PTPRR: variants seen among roughly 807,000 people sequenced by gnomAD.
PTPRR encodes the protein protein tyrosine phosphatase receptor type R.
Under a neutral mutation model 77.2 loss-of-function variants are expected in PTPRR, and 38 were observed. That is an observed-to-expected ratio of 0.49 (90% CI 0.38 to 0.65). The LOEUF (loss-of-function observed/expected upper bound fraction) is 0.65. Ranked by LOEUF, PTPRR falls within the 30% of genes least tolerant of loss-of-function variation. The pLI, the probability that PTPRR is intolerant of heterozygous loss-of-function variation, is 0.00. For synonymous variants in PTPRR, 299 were observed against 283.1 expected (o/e 1.06, Z -0.57); for missense variants, 744 against 799.2 (o/e 0.93, Z 0.83).
intron 6 of PTPRR, among the ~76,000 whole-genome samples, chr12:70,712,651 C>T (rs1888868132): frequency 6.6e-6 from 1 of 151,750 alleles, no homozygotes; most frequent in African/African-American, 2.4e-5. Flanking sequence ...AAAATATACA[C>T]ATTTTAGAGT....
At chr12:70,737,469 A>G (rs1284993656) in intron 6 of PTPRR, among the ~76,000 whole-genome samples, 1 of 148,250 alleles carries the variant, frequency 6.7e-6, no homozygotes, top group Non-Finnish European at 1.5e-5. Context: ...ATTTTCGATT[A>G]TGGGTCTATT....
chr12:70,713,122 G>A (rs1196294639), intron 6 of PTPRR, among the ~76,000 whole-genome samples: 1 of 152,000 alleles, frequency 6.6e-6, no homozygotes, highest in Non-Finnish European at 1.5e-5. Context: ...TGGACATTTC[G>A]TATAAATGGA....
chr12:70,853,004 T>C (rs1449888226), intron 2 of PTPRR, among the ~76,000 whole-genome samples: 1 of 152,204 alleles, frequency 6.6e-6, no homozygotes, highest in Non-Finnish European at 1.5e-5. Flanking sequence ...CTTACAATAA[T>C]CATGACTACC....
intron 6 of PTPRR, among the ~76,000 whole-genome samples, chr12:70,702,174 G>T (rs991251534): frequency 6.6e-6 from 1 of 151,962 alleles, no homozygotes; most frequent in African/African-American, 2.4e-5. Context: ...CCCTTTTCCC[G>T]CTGGGGGGCA....
intron 2 of PTPRR, among the ~76,000 whole-genome samples, chr12:70,865,410 A>G (rs1410945055): frequency 2.0e-5 from 3 of 152,190 alleles, no homozygotes; most frequent in Non-Finnish European, 4.4e-5. Flanking sequence ...GGAAGAGGAA[A>G]GGATGGTCAC....
intron 8 of PTPRR, among the ~76,000 whole-genome samples, chr12:70,696,307 G>A (rs868411633): frequency 4.0e-5 from 6 of 151,684 alleles, no homozygotes; most frequent in Non-Finnish European, 7.4e-5. Flanking sequence ...TATGACTCTC[G>A]TTTCTAGTCT....
intron 2 of PTPRR, among the ~76,000 whole-genome samples, chr12:70,854,541 C>T (rs1361296047): frequency 6.6e-6 from 1 of 152,190 alleles, no homozygotes. Context: ...TACTCCAAGG[C>T]TCCTTAGCTC....
At position 70,656,977 on chromosome 12, in the gene PTPRR, T is replaced by C. The variant is rs182037450; in HGVS notation, c.1767-160A>G. On this transcript the variant is annotated intron_variant, in intron 12 of 13. Coordinates refer to ENST00000283228, the MANE Select transcript of PTPRR (RefSeq NM_002849.4). Reference sequence around the variant, plus strand: ...CCCTGTGCTAAGTGCTTAAAATATATTTTTACATTTAATTATAAGTAGTAG... The same window carrying C: ...CCCTGTGCTAAGTGCTTAAAATATACTTTTACATTTAATTATAAGTAGTAG... Among the ~76,000 whole-genome samples the C allele has an allele frequency of 6.8e-3, 1,025 of 151,536 alleles. 9 individuals carry two copies. The highest frequency in any genetic ancestry group is 0.011 in the Non-Finnish European group (766 of 67,938).
At chr12:70,754,600 G>C in intron 4 of PTPRR, 1 of 1,597,966 alleles carries the variant, frequency 6.3e-7, no homozygotes. Flanking sequence ...TCATAGGTAA[G>C]AGAGTTCTGT....
chr12:70,724,510 A>G (rs1889368309), intron 6 of PTPRR, among the ~76,000 whole-genome samples: 2 of 152,324 alleles, frequency 1.3e-5, no homozygotes, highest in East Asian at 3.9e-4. Context: ...TGGTATTATT[A>G]ATGTTTTTTA....
intron 2 of PTPRR, among the ~76,000 whole-genome samples, chr12:70,796,875 G>A (rs189744937): frequency 7.7e-4 from 117 of 152,102 alleles, no homozygotes; most frequent in African/African-American, 2.6e-3. Flanking sequence ...TAAATTAGCC[G>A]GGCATGGTGG....
At chr12:70,752,250 T>C (rs1890424687) in intron 5 of PTPRR, among the ~76,000 whole-genome samples, 2 of 152,192 alleles carry the variant, frequency 1.3e-5, no homozygotes, top group Non-Finnish European at 2.9e-5. Flanking sequence ...AATCTGTTGA[T>C]TGAATGAATA....
chr12:70,694,506 C>T (rs1418664876), intron 8 of PTPRR, among the ~76,000 whole-genome samples: 3 of 152,170 alleles, frequency 2.0e-5, no homozygotes, highest in Admixed American at 6.5e-5. Flanking sequence ...TTTGCAGCAA[C>T]ATGGATGCAG....
intron 2 of PTPRR, among the ~76,000 whole-genome samples, chr12:70,792,519 G>A (rs534076240): frequency 2.0e-5 from 3 of 152,132 alleles, no homozygotes; most frequent in African/African-American, 7.2e-5. Flanking sequence ...CATAAGTGAT[G>A]TAAATTTCAA....
Position 70,892,983 on chromosome 12 carries a change from A to G in PTPRR, c.59-6T>C, listed in dbSNP as rs1253954925. 6.2e-7 allele frequency: 1 copy of G among 1,611,098 alleles called. No homozygotes were observed. Among genetic ancestry groups the G allele is most frequent in the Non-Finnish European group, 8.5e-7 (1 of 1,178,354 alleles). On this transcript the variant is annotated splice_polypyrimidine_tract_variant and splice_region_variant and intron_variant, in intron 1 of 13. Coordinates refer to ENST00000283228, the MANE Select transcript of PTPRR (RefSeq NM_002849.4). ...ATTGTTTCCTGAAAAGCACCCTGAA[A>G]GAGGGAAGAAGCAGAAACAATATCA...
chr12:70,811,432 T>A (rs946783648), intron 2 of PTPRR, among the ~76,000 whole-genome samples: 5 of 152,096 alleles, frequency 3.3e-5, no homozygotes, highest in Admixed American at 3.3e-4. Flanking sequence ...GCTTTGGCGG[T>A]TTTCTGAGAA....
At chr12:70,652,522 G>C (rs933873140) in intron 13 of PTPRR, among the ~76,000 whole-genome samples, 1 of 152,200 alleles carries the variant, frequency 6.6e-6, no homozygotes, top group African/African-American at 2.4e-5. Context: ...TGCTCAGAAA[G>C]AATGCAGAAA....
At chr12:70,799,677 T>C (rs1054524847) in intron 2 of PTPRR, among the ~76,000 whole-genome samples, 5 of 152,174 alleles carry the variant, frequency 3.3e-5, no homozygotes, top group African/African-American at 1.2e-4. Context: ...GAAAATATCT[T>C]TGGTGATGAG....
chr12:70,895,248 A>C (rs1263425828), intron 1 of PTPRR, among the ~76,000 whole-genome samples: 1 of 151,726 alleles, frequency 6.6e-6, no homozygotes, highest in Non-Finnish European at 1.5e-5. Flanking sequence ...AAGATTGGGG[A>C]AAGTAGATAT....
Sources: allele counts gnomAD v4.1 joint callset (sites outside exome capture counted in the v4.1 genomes callset), GRCh38; gene constraint gnomAD v4.1.1; transcripts MANE v1.5; gene names NCBI Gene and HGNC (gene_info 2026-07-23, HGNC 2026-07-21).